UNC13C: variants seen among roughly 807,000 people sequenced by gnomAD.
The protein encoded by UNC13C is protein unc-13 homolog C.
In UNC13C, 174 loss-of-function variants were observed where a neutral mutation model predicts 245.4. The ratio of observed to expected loss-of-function variants is 0.71; its 90% CI spans 0.63 to 0.80. The LOEUF (loss-of-function observed/expected upper bound fraction) is 0.80. Ranked by LOEUF, UNC13C falls within the 30% of genes least tolerant of loss-of-function variation. The pLI is 0.00. For synonymous variants in UNC13C, 992 were observed against 895.1 expected, an observed-to-expected ratio of 1.11 and a Z score of -1.93; for missense variants, 2,829 against 2,602.9, an observed-to-expected ratio of 1.09 and a Z score of -1.89.
At chr15:54,229,190 T>C (rs536712092) in intron 4 of UNC13C, among the ~76,000 whole-genome samples, 2 of 152,308 alleles carry the variant, frequency 1.3e-5, no homozygotes, top group East Asian at 3.9e-4. Flanking sequence ...CCTCAAGCAC[T>C]CAGATTCTCT....
At chr15:54,277,640 A>G (rs1161061154) in intron 10 of UNC13C, among the ~76,000 whole-genome samples, 1 of 152,194 alleles carries the variant, frequency 6.6e-6, no homozygotes, top group Non-Finnish European at 1.5e-5. Flanking sequence ...TCTTTTTAAT[A>G]TTGCTGCTAC....
At chr15:54,053,152 C>G (rs1247183400) in intron 2 of UNC13C, among the ~76,000 whole-genome samples, 1 of 152,032 alleles carries the variant, frequency 6.6e-6, no homozygotes, top group Non-Finnish European at 1.5e-5. Flanking sequence ...GTGTGCACCA[C>G]TACAGGTGTG....
intron 1 of UNC13C, among the ~76,000 whole-genome samples, chr15:53,979,669 G>A (rs916706403): frequency 7.2e-5 from 11 of 152,068 alleles, no homozygotes; most frequent in Non-Finnish European, 1.0e-4. Flanking sequence ...GTACCTAGAC[G>A]GAGATGACAA....
chr15:54,585,066 T>C (rs1226165458), intron 30 of UNC13C, among the ~76,000 whole-genome samples: 1 of 152,198 alleles, frequency 6.6e-6, no homozygotes, highest in African/African-American at 2.4e-5. Flanking sequence ...AATTAAGAGG[T>C]AATGAAGTCT....
intron 19 of UNC13C, among the ~76,000 whole-genome samples, chr15:54,477,811 A>T (rs1349622613): frequency 6.7e-6 from 1 of 149,102 alleles, no homozygotes; most frequent in Non-Finnish European, 1.5e-5. Context: ...TATCAGGATG[A>T]TGCTGGCCTC....
upstream of UNC13C, among the ~76,000 whole-genome samples, chr15:53,976,477 C>CTTTTTTTTTTTTTTTTT (rs10682648): frequency 3.2e-3 from 199 of 62,974 alleles, 33 homozygotes; most frequent in Non-Finnish European, 4.8e-3. Flanking sequence ...CTCTCTCTCT[C>CTTTTTTTTTTTTTTTTT]TTTTTTTTTT....
At chr15:54,350,386 T>C (rs4774692) in intron 17 of UNC13C, among the ~76,000 whole-genome samples, 81,214 of 151,984 alleles carry the variant, frequency 0.53, 22,000 homozygotes, top group East Asian at 0.76. Flanking sequence ...TGTGGTCTTA[T>C]GTAAGTCAAA....
chr15:54,591,219 A>C (rs1423162929), intron 30 of UNC13C, among the ~76,000 whole-genome samples: 4 of 152,132 alleles, frequency 2.6e-5, no homozygotes, highest in Non-Finnish European at 5.9e-5. Flanking sequence ...GGATTTTAGC[A>C]TGTATATTCA....
chr15:53,981,195 A>T (rs963217822), intron 1 of UNC13C, among the ~76,000 whole-genome samples: 2 of 152,184 alleles, frequency 1.3e-5, no homozygotes, highest in Non-Finnish European at 2.9e-5. Context: ...AAACCCTGCC[A>T]TAACTTCTCT....
intron 10 of UNC13C, among the ~76,000 whole-genome samples, chr15:54,281,899 A>G (rs1277172449): frequency 2.0e-5 from 3 of 152,224 alleles, no homozygotes; most frequent in Non-Finnish European, 4.4e-5. Context: ...GGTATAATAT[A>G]CATATGATAC....
intron 17 of UNC13C, among the ~76,000 whole-genome samples, chr15:54,383,022 A>G (rs923475401): frequency 7.2e-5 from 11 of 152,198 alleles, no homozygotes; most frequent in African/African-American, 2.2e-4. Flanking sequence ...TAAACAGGCC[A>G]ATAATGAGGA....
intron 2 of UNC13C, among the ~76,000 whole-genome samples, chr15:54,133,551 G>A (rs1485859418): frequency 2.0e-5 from 3 of 152,048 alleles, no homozygotes; most frequent in African/African-American, 4.8e-5. Flanking sequence ...CTGTGGTCTC[G>A]CATTAACGAC....
At chr15:54,178,012 AT>A (rs1432256730) in intron 4 of UNC13C, among the ~76,000 whole-genome samples, 1 of 151,910 alleles carries the variant, frequency 6.6e-6, no homozygotes, top group African/African-American at 2.4e-5. Context: ...ATTTTTATTG[AT>A]TTTTTATAAA....
intron 2 of UNC13C, among the ~76,000 whole-genome samples, chr15:54,141,522 A>G (rs139750296): frequency 3.3e-5 from 5 of 152,012 alleles, no homozygotes; most frequent in Non-Finnish European, 1.5e-5. Context: ...TTACAATCCC[A>G]TTTTAAGGAG....
At chr15:54,561,238 A>T (rs1483768759) in intron 29 of UNC13C, among the ~76,000 whole-genome samples, 1 of 151,984 alleles carries the variant, frequency 6.6e-6, no homozygotes, top group Non-Finnish European at 1.5e-5. Context: ...TCTCTCCGGG[A>T]GTTTCTAGTC....
the UNC13C span, among the ~76,000 whole-genome samples, chr15:53,858,993 G>A: frequency 6.6e-6 from 1 of 151,768 alleles, no homozygotes; most frequent in Non-Finnish European, 1.5e-5. Flanking sequence ...ATGGGTAATG[G>A]TAATTAATAT....
At chr15:54,228,943 GACTGCCT>G (rs1397126812) in intron 4 of UNC13C, among the ~76,000 whole-genome samples, 1 of 152,114 alleles carries the variant, frequency 6.6e-6, no homozygotes, top group African/African-American at 2.4e-5. Context: ...CTTGTACCTA[GACTGCCT>G]TTCAAGTTTA....
intron 2 of UNC13C, among the ~76,000 whole-genome samples, chr15:54,056,189 G>A (rs980403416): frequency 4.6e-5 from 7 of 151,992 alleles, no homozygotes; most frequent in Non-Finnish European, 5.9e-5. Flanking sequence ...TTGAACCAAT[G>A]GCAAAGAAGT....
At chr15:53,890,781 G>A in the UNC13C span, among the ~76,000 whole-genome samples, 3 of 151,790 alleles carry the variant, frequency 2.0e-5, no homozygotes, top group Non-Finnish European at 4.4e-5. Context: ...CTGGCTAGTG[G>A]CCTATCTATT....
Sources: allele counts gnomAD v4.1 joint callset (sites outside exome capture counted in the v4.1 genomes callset), GRCh38; gene constraint gnomAD v4.1.1; transcripts MANE v1.5; gene names NCBI Gene and HGNC (gene_info 2026-07-23, HGNC 2026-07-21).